The following FHIP1A variants were observed in gnomAD, a reference collection of about 807,000 sequenced individuals.
FHIP1A encodes the protein FHF complex subunit HOOK-interacting protein 1A.
In FHIP1A, 61 loss-of-function variants were observed where a neutral mutation model predicts 88.6. The observed-to-expected ratio is 0.69, with a 90% CI of 0.56 to 0.85. The LOEUF is 0.85. Ranked by LOEUF, FHIP1A falls within the 40% of genes least tolerant of loss-of-function variation. The pLI is 0.00. For missense variants in FHIP1A, 1,154 were observed against 1,273.5 expected (o/e 0.91, Z 1.43); for synonymous variants, 478 against 496.0 (o/e 0.96, Z 0.48).
chr4:151,611,437 T>C (rs1735321863), intron 7 of FHIP1A, among the ~76,000 whole-genome samples: 1 of 152,194 alleles, frequency 6.6e-6, no homozygotes, highest in Non-Finnish European at 1.5e-5. Flanking sequence ...AAGAATGATG[T>C]TTGAAATGTG....
At chr4:151,452,482 T>G (rs1181134372) in intron 1 of FHIP1A, among the ~76,000 whole-genome samples, 1 of 152,156 alleles carries the variant, frequency 6.6e-6, no homozygotes, top group Non-Finnish European at 1.5e-5. Flanking sequence ...TTCCAGCACT[T>G]TGGGAGGCTG....
intron 4 of FHIP1A, among the ~76,000 whole-genome samples, chr4:151,568,749 G>A (rs1176769364): frequency 6.6e-6 from 1 of 152,148 alleles, no homozygotes; most frequent in Non-Finnish European, 1.5e-5. Context: ...GCTGGAAATG[G>A]CCTGGGAATG....
intron 2 of FHIP1A, among the ~76,000 whole-genome samples, chr4:151,464,520 A>G (rs750451885): frequency 1.3e-5 from 2 of 152,184 alleles, no homozygotes; most frequent in Non-Finnish European, 2.9e-5. Flanking sequence ...AAGGACTACT[A>G]TATTAAGTAA....
At position 151,498,822 on chromosome 4, in the gene FHIP1A, G is replaced by GA. The variant is rs374200879; in HGVS notation, c.-123+16182dup. The stretch of plus-strand genomic sequence containing the variant: ...CAGAGTGAGACTCCGTCTCAAAAAA[G>GA]AAAAAAAATATATGAAATATGGTTG... On this transcript the variant is annotated intron_variant, in intron 3 of 13. Coordinates refer to ENST00000435205, the MANE Select transcript of FHIP1A (RefSeq NM_001109977.3). Among the ~76,000 whole-genome samples the GA allele has an allele frequency of 6.9e-4, 105 of 151,646 alleles. 1 individual carries two copies. The highest frequency in any genetic ancestry group is 1.1e-3 in the Non-Finnish European group (78 of 67,922).
At chr4:151,554,638 T>C (rs1732876233) in intron 3 of FHIP1A, among the ~76,000 whole-genome samples, 1 of 152,200 alleles carries the variant, frequency 6.6e-6, no homozygotes, top group Non-Finnish European at 1.5e-5. Flanking sequence ...ACATGTTCTA[T>C]TTCTACTGTG....
At chr4:151,563,313 T>C (rs1373344499) in intron 3 of FHIP1A, among the ~76,000 whole-genome samples, 1 of 151,820 alleles carries the variant, frequency 6.6e-6, no homozygotes, top group Non-Finnish European at 1.5e-5. Flanking sequence ...TCTTTGAGTG[T>C]TTTTTTTGTG....
chr4:151,563,608 A>T (rs949285728), intron 3 of FHIP1A, among the ~76,000 whole-genome samples: 3 of 152,162 alleles, frequency 2.0e-5, no homozygotes. Context: ...ACCTACTTAC[A>T]GCTTTTGCCT....
At chr4:151,628,076 G>A (rs1736017810) in intron 7 of FHIP1A, among the ~76,000 whole-genome samples, 1 of 152,142 alleles carries the variant, frequency 6.6e-6, no homozygotes, top group African/African-American at 2.4e-5. Flanking sequence ...ATGTTTGATG[G>A]TTGCCTATTT....
At position 151,526,430 on chromosome 4, in the gene FHIP1A, C is replaced by T. The variant is rs547833976; in HGVS notation, c.-122-39708C>T. Among the ~76,000 whole-genome samples, 13 of 143,332 alleles carry T rather than the reference C, an allele frequency of 9.1e-5. No individual in the cohort carries two copies. The East Asian group carries it at 1.0e-3, about 12-fold the overall frequency. The allele number at this position is 143,332 out of a possible 152,430, so 94.0% of individuals were successfully genotyped here. A position where few individuals can be genotyped will look rare whatever the true frequency, so the allele number is the denominator to read the frequency against. On this transcript the variant is annotated intron_variant, in intron 3 of 13. Coordinates refer to ENST00000435205, the MANE Select transcript of FHIP1A (RefSeq NM_001109977.3). ...TCCCGGACCGGGGTGGCTGGCCGGG[C>T]GGGGGGCTGACCCCCCCACCTCCCT...
intron 13 of FHIP1A, among the ~76,000 whole-genome samples, chr4:151,659,849 C>G (rs1181456861): frequency 1.3e-5 from 2 of 152,216 alleles, no homozygotes. Context: ...GCCGCTGCTC[C>G]AGAGAGAGCG....
chr4:151,549,168 G>A (rs183403775), intron 3 of FHIP1A, among the ~76,000 whole-genome samples: 1 of 152,280 alleles, frequency 6.6e-6, no homozygotes, highest in Non-Finnish European at 1.5e-5. Context: ...TTAGGTCACA[G>A]CAGGTGACTG....
chr4:151,611,755 G>A (rs773842441), intron 7 of FHIP1A, among the ~76,000 whole-genome samples: 3 of 152,178 alleles, frequency 2.0e-5, no homozygotes, highest in Non-Finnish European at 2.9e-5. Context: ...CTGTCTCTAT[G>A]TCCTTTTTGC....
intron 7 of FHIP1A, among the ~76,000 whole-genome samples, chr4:151,599,598 G>A (rs1341540870): frequency 6.6e-6 from 1 of 152,190 alleles, no homozygotes; most frequent in Non-Finnish European, 1.5e-5. Context: ...GCATCTCTCA[G>A]GAACAGGCCT....
intron 3 of FHIP1A, among the ~76,000 whole-genome samples, chr4:151,486,205 C>T (rs1382832039): frequency 6.6e-6 from 1 of 152,170 alleles, no homozygotes; most frequent in Non-Finnish European, 1.5e-5. Context: ...TGGTTCCTAA[C>T]AGGCCAGAGA....
At chr4:151,462,271 A>G (rs1729167719) in intron 2 of FHIP1A, among the ~76,000 whole-genome samples, 1 of 152,118 alleles carries the variant, frequency 6.6e-6, no homozygotes, top group Admixed American at 6.5e-5. Flanking sequence ...GAGATGCACC[A>G]TGGGTTCACA....
intron 3 of FHIP1A, among the ~76,000 whole-genome samples, chr4:151,534,310 T>C (rs1251448181): frequency 3.9e-5 from 6 of 152,262 alleles, no homozygotes; most frequent in Admixed American, 1.3e-4. Flanking sequence ...GAAACACTAA[T>C]AGTAAACAAC....
intron 1 of FHIP1A, 34 bp downstream of exon 1, chr4:151,409,499 AG>A (rs1732513050): frequency 6.6e-6 from 1 of 152,486 alleles, no homozygotes; most frequent in Non-Finnish European, 1.5e-5. Flanking sequence ...TTTGCGCTTG[AG>A]GGATTCTTTT....
intron 2 of FHIP1A, among the ~76,000 whole-genome samples, chr4:151,481,102 C>CA (rs1414603987): frequency 6.6e-6 from 1 of 151,978 alleles, no homozygotes; most frequent in East Asian, 1.9e-4. Flanking sequence ...CCCCTCAACC[C>CA]ATCTAAAGAT....
intron 7 of FHIP1A, among the ~76,000 whole-genome samples, chr4:151,611,427 A>G (rs1257442855): frequency 6.6e-6 from 1 of 152,238 alleles, no homozygotes; most frequent in Non-Finnish European, 1.5e-5. Context: ...TGATGGCTCC[A>G]AGAATGATGT....
Sources: gnomAD v4.1 joint callset for allele counts (sites outside exome capture counted in the v4.1 genomes callset) on GRCh38, gnomAD v4.1.1 for gene constraint, MANE v1.5 for transcripts, NCBI Gene and HGNC (gene_info 2026-07-23, HGNC 2026-07-21) for gene names.